DIAPH3: variants seen among roughly 807,000 people sequenced by gnomAD.
DIAPH3 encodes diaphanous related formin 3.
Under a neutral mutation model 144.3 loss-of-function variants are expected in DIAPH3, and 117 were observed. The observed-to-expected ratio is 0.81, with a 90% CI of 0.70 to 0.95. The LOEUF (loss-of-function observed/expected upper bound fraction) is 0.95. Ranked by LOEUF, DIAPH3 falls within the 40% of genes least tolerant of loss-of-function variation. The pLI is 0.00. For missense variants in DIAPH3, 1,421 were observed against 1,412.7 expected (o/e 1.01, Z -0.09); for synonymous variants, 519 against 488.9 (o/e 1.06, Z -0.81).
At chr13:59,746,293 A>G (rs181101543) in intron 27 of DIAPH3, among the ~76,000 whole-genome samples, 39 of 152,190 alleles carry the variant, frequency 2.6e-4, no homozygotes, top group Admixed American at 2.5e-3. Context: ...TAACAATCTT[A>G]GCTCACTGCA....
chr13:60,085,789 T>A (rs1474291834), intron 4 of DIAPH3, among the ~76,000 whole-genome samples: 1 of 152,158 alleles, frequency 6.6e-6, no homozygotes. Flanking sequence ...ATGCCTCTTG[T>A]GGCACTTTCA....
intron 27 of DIAPH3, among the ~76,000 whole-genome samples, chr13:59,669,870 T>A (rs959844226): frequency 2.0e-5 from 3 of 152,224 alleles, no homozygotes; most frequent in South Asian, 2.1e-4. Context: ...ACTCCAATCA[T>A]GCTTTTGACC....
intron 20 of DIAPH3, among the ~76,000 whole-genome samples, chr13:59,908,489 CCCTG>C (rs1409600968): frequency 6.6e-6 from 1 of 151,450 alleles, no homozygotes; most frequent in Non-Finnish European, 1.5e-5. Context: ...TACTTTTACA[CCCTG>C]CCTTTCTATC....
At chr13:59,704,034 G>T (rs1487566558) in intron 27 of DIAPH3, among the ~76,000 whole-genome samples, 1 of 152,176 alleles carries the variant, frequency 6.6e-6, no homozygotes, top group African/African-American at 2.4e-5. Context: ...CTAGGGCACA[G>T]GCCTCCAGGG....
At chr13:60,049,073 C>T (rs1176237020) in intron 4 of DIAPH3, among the ~76,000 whole-genome samples, 2 of 152,138 alleles carry the variant, frequency 1.3e-5, no homozygotes, top group Non-Finnish European at 2.9e-5. Flanking sequence ...CAATGAAATA[C>T]TATGCAGCAA....
At chr13:59,945,146 C>T (rs1379304862) in intron 17 of DIAPH3, among the ~76,000 whole-genome samples, 1 of 152,034 alleles carries the variant, frequency 6.6e-6, no homozygotes, top group Non-Finnish European at 1.5e-5. Context: ...AAATCCACAC[C>T]TCAAATCTCA....
rs747695858 is a variant in DIAPH3, at chr13:60,010,545, C to G, written c.896G>C (p.Gly299Ala). ...VKLLSAVCIVGEESILEEVLE... is the reference protein window; with the variant it reads ...VKLLSAVCIVAEESILEEVLE... Reference sequence around the variant, plus strand: ...TGATAACACTTACATGCTTTCTTCCCCTACAATGCATACCGCAGAGAGAAG... The same window carrying G: ...TGATAACACTTACATGCTTTCTTCCGCTACAATGCATACCGCAGAGAGAAG... The change falls in exon 8 of 28, where the codon GGG becomes GCG. Residue 299 changes from glycine to alanine, a missense_variant. Transcript: ENST00000400324. The G allele has an allele frequency of 2.5e-6, 4 of 1,600,210 alleles. No homozygotes were observed. The highest frequency in any genetic ancestry group is 2.2e-5 in the South Asian group (2 of 89,502).
chr13:59,793,921 G>T (rs1397956547), intron 25 of DIAPH3, among the ~76,000 whole-genome samples: 1 of 152,144 alleles, frequency 6.6e-6, no homozygotes, highest in African/African-American at 2.4e-5. Context: ...ATGTCCTAGA[G>T]ATACCTCAAA....
At chr13:59,738,405 C>A (rs946906157) in intron 27 of DIAPH3, among the ~76,000 whole-genome samples, 39 of 152,000 alleles carry the variant, frequency 2.6e-4, no homozygotes, top group African/African-American at 9.2e-4. Context: ...GAGGAGCCTC[C>A]AGGGAAACAG....
intron 27 of DIAPH3, among the ~76,000 whole-genome samples, chr13:59,710,278 T>TG (rs1387249240): frequency 6.7e-6 from 1 of 150,056 alleles, no homozygotes; most frequent in South Asian, 2.1e-4. Flanking sequence ...AAATTTATTT[T>TG]GGAAAAAAAA....
At chr13:59,945,348 T>C (rs949502577) in intron 17 of DIAPH3, among the ~76,000 whole-genome samples, 2 of 152,180 alleles carry the variant, frequency 1.3e-5, no homozygotes, top group African/African-American at 4.8e-5. Context: ...TCTTCTCCAT[T>C]AGATTATATA....
At chr13:59,702,968 C>T (rs764507664) in intron 27 of DIAPH3, among the ~76,000 whole-genome samples, 26 of 152,188 alleles carry the variant, frequency 1.7e-4, no homozygotes, top group Admixed American at 3.9e-4. Flanking sequence ...TTCATCTCTC[C>T]ATTTGAAACT....
In DIAPH3 at chr13:59,666,653, A is replaced by C; in HGVS notation, c.3513T>G (p.Leu1171=). ...CTGATTCATTTTTAGAAAAAGAGCC[A>C]AGAAGTTCCGTTTCCTTTTTTCTGT... ...ESNRKKETEL[L]GSFSKNESVP... is the part of the protein sequence containing the mutation. Residue 1171 remains leucine (L), a synonymous_variant, in exon 28 of 28, where the codon CTT becomes CTG. Transcript: ENST00000400324. 2 of 1,614,164 alleles carry C rather than the reference A, an allele frequency of 1.2e-6. No homozygotes were observed. The highest frequency in any genetic ancestry group is 1.7e-6 in the Non-Finnish European group (2 of 1,180,000).
intron 27 of DIAPH3, among the ~76,000 whole-genome samples, chr13:59,744,075 A>G (rs2036592457): frequency 6.6e-6 from 1 of 152,188 alleles, no homozygotes; most frequent in South Asian, 2.1e-4. Context: ...TCCTGGTCAC[A>G]TATGTTCATT....
intron 3 of DIAPH3, among the ~76,000 whole-genome samples, chr13:60,110,890 C>T (rs751437754): frequency 7.5e-4 from 114 of 152,242 alleles, no homozygotes; most frequent in Non-Finnish European, 1.2e-3. Flanking sequence ...CTCCCAGCTA[C>T]GAGTAACAGA....
At chr13:60,090,085 G>A (rs190623456) in intron 4 of DIAPH3, among the ~76,000 whole-genome samples, 2 of 152,230 alleles carry the variant, frequency 1.3e-5, no homozygotes, top group East Asian at 1.9e-4. Context: ...ATCCAATGGC[G>A]GAACAAAGTG....
chr13:60,155,466 T>A (rs1025797465), intron 1 of DIAPH3, among the ~76,000 whole-genome samples: 5 of 152,160 alleles, frequency 3.3e-5, no homozygotes, highest in African/African-American at 9.7e-5. Context: ...TTTAAAAAAA[T>A]TTCTGGGTTT....
intron 27 of DIAPH3, among the ~76,000 whole-genome samples, chr13:59,773,607 G>T (rs1265330470): frequency 6.6e-6 from 1 of 152,170 alleles, no homozygotes; most frequent in Non-Finnish European, 1.5e-5. Context: ...ACAGAGCAGA[G>T]AGTTCTATGC....
intron 27 of DIAPH3, among the ~76,000 whole-genome samples, chr13:59,757,818 TA>T (rs1439095233): frequency 6.6e-6 from 1 of 152,142 alleles, no homozygotes. Flanking sequence ...TGTGTTGTGA[TA>T]AAATTGCATC....
Sources: allele counts gnomAD v4.1 joint callset (sites outside exome capture counted in the v4.1 genomes callset), GRCh38; gene constraint gnomAD v4.1.1; transcripts MANE v1.5; gene names NCBI Gene and HGNC (gene_info 2026-07-23, HGNC 2026-07-21).